The following CLASP1 variants were observed in gnomAD, a reference collection of about 807,000 sequenced individuals.
The protein encoded by CLASP1 is CLIP-associating protein 1.
A neutral mutation model predicts 192.3 loss-of-function variants in CLASP1; 38 were observed. The observed-to-expected ratio is 0.20, with a 90% CI of 0.15 to 0.26. The LOEUF is 0.26. CLASP1 is among the 10% of genes least tolerant of loss of function. The probability of loss-of-function intolerance (pLI) is 1.00; values close to 1 mark genes in which losing one functional copy is unlikely to be tolerated. For synonymous variants in CLASP1, 691 were observed against 712.8 expected, an observed-to-expected ratio of 0.97 and a Z score of 0.49; for missense variants, 1,433 against 1,932.5, an observed-to-expected ratio of 0.74 and a Z score of 4.85.
chr2:121,392,769 C>T (rs1235154049), intron 30 of CLASP1, among the ~76,000 whole-genome samples: 5 of 152,126 alleles, frequency 3.3e-5, no homozygotes, highest in African/African-American at 4.8e-5. Flanking sequence ...GTCTAGTGTA[C>T]GTCTGCATAG....
At chr2:121,365,178 G>C (rs1439865532) in exon 36 of CLASP1, 1 of 1,613,910 alleles carries the variant, frequency 6.2e-7, no homozygotes. Context: ...CTTCCCGCGT[G>C]ATCTTGAGCA....
exon 40 of CLASP1, chr2:121,338,675 T>G (rs574149898): frequency 6.6e-6 from 1 of 152,152 alleles, no homozygotes. Flanking sequence ...TGTGACGTGA[T>G]TGTATCTCTA....
At chr2:121,417,924 T>C (rs1421788072) in intron 23 of CLASP1, among the ~76,000 whole-genome samples, 1 of 152,200 alleles carries the variant, frequency 6.6e-6, no homozygotes, top group Non-Finnish European at 1.5e-5. Flanking sequence ...CAGGTCTACG[T>C]CTAAGTATTA....
Position 121,465,066 on chromosome 2 carries a change from C to T in CLASP1, c.866-2461G>A, listed in dbSNP as rs182006353. Among the ~76,000 whole-genome samples the T allele has an allele frequency of 4.4e-3, 677 of 152,274 alleles. 5 individuals are homozygous for T. The highest frequency in any genetic ancestry group is 0.016 in the African/African-American group (653 of 41,546). ...TGACAAACCCACAGCCAATATCATGCTGAATGGGCAAAAACTGGAAGCATT... is the reference window on the plus strand; with the variant it reads ...TGACAAACCCACAGCCAATATCATGTTGAATGGGCAAAAACTGGAAGCATT... On this transcript the variant is annotated intron_variant, in intron 9 of 39. Coordinates refer to ENST00000263710, the Ensembl canonical transcript of CLASP1.
chr2:121,468,960 G>C (rs1044422599), intron 9 of CLASP1, among the ~76,000 whole-genome samples: 1 of 152,146 alleles, frequency 6.6e-6, no homozygotes, highest in Non-Finnish European at 1.5e-5. Flanking sequence ...GCGCTTTTGT[G>C]TTGATTCTTT....
At chr2:121,584,749 G>A (rs551161876) in intron 2 of CLASP1, among the ~76,000 whole-genome samples, 9 of 152,038 alleles carry the variant, frequency 5.9e-5, no homozygotes, top group Non-Finnish European at 1.2e-4. Context: ...CCATTACAAT[G>A]CAAAGACACT....
chr2:121,613,779 A>T (rs1440487173), intron 1 of CLASP1, among the ~76,000 whole-genome samples: 4 of 152,242 alleles, frequency 2.6e-5, no homozygotes, highest in Admixed American at 1.3e-4. Context: ...AGTCTACTGT[A>T]GACTTCTTTG....
At position 121,397,896 on chromosome 2, in the gene CLASP1, T is replaced by C. The variant is rs1301233250; in HGVS notation, c.2979+426A>G. On this transcript the variant is annotated intron_variant, in intron 29 of 39. Coordinates refer to ENST00000263710, the Ensembl canonical transcript of CLASP1. The stretch of plus-strand genomic sequence containing the variant: ...ATTACAGGTATGATTTTCCACAACA[T>C]GTAACGATTAACTTTCACAGCTTAG... Among the ~76,000 whole-genome samples, 8 of 152,204 alleles carry C rather than the reference T, an allele frequency of 5.3e-5. No individual in the cohort carries two copies. In the East Asian group the frequency reaches 1.5e-3, roughly 29 times the overall value.
intron 1 of CLASP1, among the ~76,000 whole-genome samples, chr2:121,621,991 G>A (rs894228994): frequency 1.3e-5 from 2 of 152,024 alleles, no homozygotes; most frequent in African/African-American, 4.8e-5. Flanking sequence ...GGGATTACAG[G>A]CGTGCACCAC....
intron 34 of CLASP1, among the ~76,000 whole-genome samples, chr2:121,371,271 C>T (rs2068646166): frequency 6.6e-6 from 1 of 151,968 alleles, no homozygotes; most frequent in Non-Finnish European, 1.5e-5. Flanking sequence ...TACTCTGTCA[C>T]CCAAGCTGGA....
At chr2:121,341,911 C>T (rs2062825892) in intron 39 of CLASP1, among the ~76,000 whole-genome samples, 1 of 151,880 alleles carries the variant, frequency 6.6e-6, no homozygotes, top group South Asian at 2.1e-4. Flanking sequence ...TATGATTGAA[C>T]ATAGACCATA....
chr2:121,506,578 G>A lies in CLASP1; in HGVS notation c.645-3344C>T, dbSNP rs150413351. On this transcript the variant is annotated intron_variant, in intron 7 of 39. Coordinates refer to ENST00000263710, the Ensembl canonical transcript of CLASP1. ...CACTGACATACTCCTGGGAACCTGGGAGGTCACGTATATGTGCAAGGCTGT... is the reference window on the plus strand; with the variant it reads ...CACTGACATACTCCTGGGAACCTGGAAGGTCACGTATATGTGCAAGGCTGT... Among the ~76,000 whole-genome samples the A allele has an allele frequency of 4.0e-3, 616 of 152,276 alleles. 1 individual carries two copies. Among genetic ancestry groups the A allele is most frequent in the Middle Eastern group, 0.014 (4 of 294 alleles).
chr2:121,472,491 A>C (rs537668439), intron 8 of CLASP1, among the ~76,000 whole-genome samples: 1 of 152,302 alleles, frequency 6.6e-6, no homozygotes, highest in East Asian at 1.9e-4. Context: ...CAATCACCCC[A>C]ACTTTCTGCC....
intron 2 of CLASP1, among the ~76,000 whole-genome samples, chr2:121,564,327 G>C (rs924299511): frequency 6.6e-6 from 1 of 152,168 alleles, no homozygotes; most frequent in Non-Finnish European, 1.5e-5. Flanking sequence ...CTGAGACCCT[G>C]TCACTTAACC....
intron 6 of CLASP1, among the ~76,000 whole-genome samples, chr2:121,516,889 C>T (rs2094313307): frequency 1.3e-5 from 2 of 152,104 alleles, no homozygotes; most frequent in South Asian, 2.1e-4. Context: ...ATTAGCCGGG[C>T]GTGGTGGTGC....
intron 19 of CLASP1, among the ~76,000 whole-genome samples, chr2:121,439,199 C>T (rs9679046): frequency 0.01 from 1,534 of 152,144 alleles, 29 homozygotes; most frequent in African/African-American, 0.035. Context: ...TTTTTTATTG[C>T]GTCTATTTGA....
chr2:121,548,441 G>C (rs1275504569), intron 2 of CLASP1, among the ~76,000 whole-genome samples: 1 of 152,136 alleles, frequency 6.6e-6, no homozygotes, highest in African/African-American at 2.4e-5. Context: ...ATGAAAAATT[G>C]GTATCCCTGA....
At chr2:121,455,467 C>T (rs535957753) in intron 14 of CLASP1, among the ~76,000 whole-genome samples, 79 of 152,218 alleles carry the variant, frequency 5.2e-4, no homozygotes, top group African/African-American at 1.9e-3. Context: ...ATCTATTCAG[C>T]CTTAACAACA....
rs561768893 is a variant in CLASP1, at chr2:121,397,753, A to G, written c.2980-470T>C. On this transcript the variant is annotated intron_variant, in intron 29 of 39. Transcript: ENST00000263710. Reference sequence around the variant, plus strand: ...CAACTAGCTTTGACTTCAGGAGGAAAAGGTAATTATTTGTTAGACTCATCC... The same window carrying G: ...CAACTAGCTTTGACTTCAGGAGGAAGAGGTAATTATTTGTTAGACTCATCC... Among the ~76,000 whole-genome samples the G allele has an allele frequency of 2.2e-3, 338 of 152,326 alleles. 1 individual carries two copies. Among genetic ancestry groups the G allele is most frequent in the African/African-American group, 6.6e-3 (274 of 41,570 alleles).
Sources: gnomAD v4.1 joint callset for allele counts (sites outside exome capture counted in the v4.1 genomes callset) on GRCh38, gnomAD v4.1.1 for gene constraint, MANE v1.5 for transcripts, NCBI Gene and HGNC (gene_info 2026-07-23, HGNC 2026-07-21) for gene names.